The following TCERG1 variants were observed in gnomAD, a reference collection of about 807,000 sequenced individuals.
TCERG1 encodes transcription elongation regulator 1, also known as TATA box binding protein (TBP)-associated factor, RNA polymerase II, S, 150kD.
In TCERG1, 37 loss-of-function variants were observed where a neutral mutation model predicts 144.7. The observed-to-expected ratio is 0.26, with a 90% CI of 0.20 to 0.34. The LOEUF (loss-of-function observed/expected upper bound fraction) is 0.34, where lower values mean the gene tolerates loss of function less well. Ranked by LOEUF, TCERG1 falls within the 10% of genes least tolerant of loss-of-function variation. The pLI is 1.00. For synonymous variants in TCERG1, 492 were observed against 458.2 expected (o/e 1.07, Z -0.94); for missense variants, 1,027 against 1,380.7 (o/e 0.74, Z 4.06).
At chr5:146,477,740 C>T (rs1337594975) in intron 9 of TCERG1, among the ~76,000 whole-genome samples, 2 of 127,244 alleles carry the variant, frequency 1.6e-5, no homozygotes, top group Non-Finnish European at 3.1e-5. Context: ...CTTTATTGCT[C>T]AGGCTGGAGT....
chr5:146,474,135 G>T (rs975114638), intron 9 of TCERG1, among the ~76,000 whole-genome samples: 2 of 152,186 alleles, frequency 1.3e-5, no homozygotes, highest in Non-Finnish European at 2.9e-5. Flanking sequence ...ATTCACCATT[G>T]TAGATGCCAT....
rs764652292 is a variant in TCERG1 at position 146,469,567 on chromosome 5, C to T, written c.1222C>T (p.Pro408Ser). The T allele has an allele frequency of 3.1e-6, 5 of 1,608,466 alleles. 1 individual carries two copies. The South Asian group carries it at 4.5e-5, about 14-fold the overall frequency. The change falls in exon 7 of 23, where the codon CCT (proline) becomes TCT (serine). Residue 408 changes from proline to serine, a missense_variant. By Grantham distance (74) the Pro-to-Ser change is moderately conservative (BLOSUM62 -1). This residue lies in a region of TCERG1 where 482 missense variants were observed against 632.6 expected (regional missense o/e 0.76). Coordinates refer to ENST00000679501, the MANE Select transcript of TCERG1 (RefSeq NM_001382548.1). ...AGGTGTATTGCCAGGAATGGCCCCT[C>T]CTATCGTACCCATGATACATCCCCA... The part of the protein sequence containing the change: ...KTGVLPGMAP[P>S]IVPMIHPQVA...
chr5:146,460,627 T>C (rs1020209737), intron 4 of TCERG1, among the ~76,000 whole-genome samples: 12 of 152,154 alleles, frequency 7.9e-5, no homozygotes. Flanking sequence ...TTAATTCACA[T>C]TGGCTTCAAA....
chr5:146,455,900 T>C (rs1329065641), intron 2 of TCERG1, among the ~76,000 whole-genome samples: 1 of 152,234 alleles, frequency 6.6e-6, no homozygotes, highest in Admixed American at 6.5e-5. Flanking sequence ...CCAGACTTAC[T>C]GTCTGAGGTG....
chr5:146,455,317 A>G (rs1227640619), intron 2 of TCERG1, 36 bp downstream of exon 2: 3 of 1,607,706 alleles, frequency 1.9e-6, no homozygotes, highest in Non-Finnish European at 2.6e-6. Context: ...CTTTGTTGGC[A>G]TCATTATCAA....
intron 9 of TCERG1, among the ~76,000 whole-genome samples, chr5:146,472,011 C>T (rs569660482): frequency 6.6e-6 from 1 of 152,222 alleles, no homozygotes; most frequent in East Asian, 1.9e-4. Context: ...AATATTTTGG[C>T]CTTTGTTGTA....
chr5:146,458,544 C>T (rs1233190565), intron 3 of TCERG1, among the ~76,000 whole-genome samples: 4 of 151,524 alleles, frequency 2.6e-5, no homozygotes, highest in East Asian at 1.9e-4. Flanking sequence ...ATGATCTCGG[C>T]GCACTGCAGC....
chr5:146,503,334 A>C (rs768930119), intron 17 of TCERG1, 41 bp from the exon 18 acceptor site: 1 of 1,583,872 alleles, frequency 6.3e-7, no homozygotes, highest in Admixed American at 1.7e-5. Flanking sequence ...CTCATGGTAC[A>C]TTATTTTCCC....
Position 146,480,035 on chromosome 5 carries a change from G to A in TCERG1, c.1827G>A (p.Glu609=). 6.2e-7 allele frequency: 1 copy of A among 1,600,334 alleles called. No homozygotes were observed. Residue 609 remains glutamate, a synonymous_variant, in exon 12 of 23, where the codon GAG becomes GAA. Transcript: ENST00000679501. The part of the protein sequence containing the change: ...KWQFSMSAIK[E]EQELMEEINE... Reference sequence around the variant, plus strand: ...TTAAATTTTGTCTTATAGTTAAAGAGGAACAAGAATTAATGGAAGAAATTA... The same window carrying A: ...TTAAATTTTGTCTTATAGTTAAAGAAGAACAAGAATTAATGGAAGAAATTA...
chr5:146,465,976 C>T (rs1025270081), intron 5 of TCERG1, among the ~76,000 whole-genome samples: 1 of 148,756 alleles, frequency 6.7e-6, no homozygotes, highest in Non-Finnish European at 1.5e-5. Context: ...GCCGAGATCG[C>T]GCCATTGCAC....
chr5:146,480,075 G>C lies in TCERG1; in HGVS notation c.1867G>C (p.Val623Leu). The change falls in exon 12 of 23, where the codon GTT becomes CTT. Residue 623 changes from valine to leucine, a missense_variant. This residue lies in a region of TCERG1 where 482 missense variants were observed against 632.6 expected (regional missense o/e 0.76). Transcript: ENST00000679501. ...GGAAGAAATTAATGAAGATGAGCCT[G>C]TTAAAGCAAAAAAACGGAAGTAAGT... ...LMEEINEDEP[V>L]KAKKRKRMSK... 6.3e-7 allele frequency: 1 copy of C among 1,596,656 alleles called. No homozygotes were observed.
chr5:146,452,807 A>C (rs148519439), intron 1 of TCERG1, among the ~76,000 whole-genome samples: 28 of 152,092 alleles, frequency 1.8e-4, no homozygotes, highest in Non-Finnish European at 2.6e-4. Flanking sequence ...GTCCAGGTTG[A>C]TGTTGAACTC....
In TCERG1 at chr5:146,507,359, G is replaced by T; in HGVS notation, c.2961+152G>T. ...AATTCTCTGATTTTAAAAAATTATG[G>T]TATTCTTATTTATTTAGAAATGCCT... On this transcript the variant is annotated intron_variant, in intron 20 of 22. Coordinates refer to ENST00000679501, the MANE Select transcript of TCERG1 (RefSeq NM_001382548.1). The surrounding 1 kb of genome is among the most constrained non-coding windows in gnomAD (Gnocchi z 4.6). The T allele has an allele frequency of 1.4e-6, 1 of 696,072 alleles. No homozygotes were observed. Among genetic ancestry groups the T allele is most frequent in the South Asian group, 3.0e-5 (1 of 33,736 alleles). The allele number at this position is 696,072 out of a possible 1,614,324, so 43.1% of individuals were successfully genotyped here.
intron 22 of TCERG1, 29 bp from the exon 23 acceptor site, chr5:146,510,412 A>G: frequency 1.3e-6 from 2 of 1,548,464 alleles, no homozygotes; most frequent in Non-Finnish European, 1.8e-6. Context: ...AGCAGTCAGT[A>G]ATTCTTGGAC....
chr5:146,470,161 T>A (rs1764156617), intron 7 of TCERG1, among the ~76,000 whole-genome samples: 1 of 152,144 alleles, frequency 6.6e-6, no homozygotes, highest in Non-Finnish European at 1.5e-5. Flanking sequence ...CACAAGCTGC[T>A]ATTATTATTG....
intron 19 of TCERG1, 65 bp downstream of exon 19, chr5:146,504,071 G>A (rs1204083751): frequency 7.6e-7 from 1 of 1,313,946 alleles, no homozygotes; most frequent in African/African-American, 1.5e-5. Context: ...TTATGTTACT[G>A]TTATGAATAT....
intron 22 of TCERG1, 46 bp from the exon 23 acceptor site, chr5:146,510,395 T>A: frequency 5.8e-6 from 8 of 1,383,336 alleles, no homozygotes; most frequent in Non-Finnish European, 8.2e-6. Context: ...CTGAAAGACC[T>A]GTGAACAGCA....
chr5:146,492,439 G>C (rs1766517792), intron 15 of TCERG1, among the ~76,000 whole-genome samples: 1 of 152,122 alleles, frequency 6.6e-6, no homozygotes, highest in Non-Finnish European at 1.5e-5. Flanking sequence ...GTAAATAGAT[G>C]ATCAGTTCAT....
intron 19 of TCERG1, among the ~76,000 whole-genome samples, chr5:146,505,003 G>C (rs533283792): frequency 6.6e-6 from 1 of 150,598 alleles, no homozygotes; most frequent in Admixed American, 6.7e-5. Context: ...CCGAGATCGC[G>C]CCACTGCACT....
Sources: allele counts gnomAD v4.1 joint callset (sites outside exome capture counted in the v4.1 genomes callset), GRCh38; gene constraint gnomAD v4.1.1; regional missense constraint gnomAD v4.1.1; non-coding constraint Gnocchi (gnomAD v3.1); transcripts MANE v1.5; gene names NCBI Gene and HGNC (gene_info 2026-07-23, HGNC 2026-07-21).